Variants in ARIH1 observed in about 807,000 individuals in gnomAD.
ARIH1 encodes ariadne RBR E3 ubiquitin protein ligase 1, also known as E3 ubiquitin-protein ligase ARIH1.
A neutral mutation model predicts 85.0 loss-of-function variants in ARIH1; 8 were observed. That is an observed-to-expected ratio of 0.09 (90% CI 0.06 to 0.17). The LOEUF (loss-of-function observed/expected upper bound fraction) is 0.17. Ranked by LOEUF, ARIH1 falls within the 10% of genes least tolerant of loss-of-function variation. The pLI is 1.00. For synonymous variants in ARIH1, 238 were observed against 253.6 expected, an observed-to-expected ratio of 0.94 and a Z score of 0.59; for missense variants, 311 against 718.1, an observed-to-expected ratio of 0.43 and a Z score of 6.48.
intron 1 of ARIH1, 27 bp from the exon 2 acceptor site, chr15:72,518,040 A>G: frequency 6.4e-7 from 1 of 1,567,646 alleles, no homozygotes; most frequent in Non-Finnish European, 8.8e-7. Context: ...TTACCTTAAA[A>G]TGACTTTTTT....
Position 72,518,070 on chromosome 15 carries a change from C to G in ARIH1, c.379C>G (p.Pro127Ala). 6.2e-7 allele frequency: 1 copy of G among 1,608,478 alleles called. No individual in the cohort carries two copies. The highest frequency in any genetic ancestry group is 8.5e-7 in the Non-Finnish European group (1 of 1,176,042). ...TTTTTTTCCCCTCCTTCTTTAGAAT[C>G]CAGCAACTATCACAAGAATACTCCT... Reference protein sequence around the residue: ...IREVNEVIQNPATITRILLSH... With the variant: ...IREVNEVIQNAATITRILLSH... Residue 127 changes from proline (P) to alanine (A), a missense_variant, in exon 2 of 14, where the codon CCA becomes GCA. Around this residue, in one of 3 missense-constraint regions of ARIH1, gnomAD observed 104 missense variants for 221.4 expected, o/e 0.47. Transcript: ENST00000379887.
chr15:72,479,078 C>T (rs1039150092), intron 1 of ARIH1, among the ~76,000 whole-genome samples: 2 of 151,992 alleles, frequency 1.3e-5, no homozygotes, highest in African/African-American at 2.4e-5. Context: ...TGGCCTCAAG[C>T]GCTCCTTGAA....
At chr15:72,489,073 T>A (rs1294549748) in intron 1 of ARIH1, among the ~76,000 whole-genome samples, 1 of 151,694 alleles carries the variant, frequency 6.6e-6, no homozygotes, top group Non-Finnish European at 1.5e-5. Flanking sequence ...ACTTTTTCTC[T>A]ACAAAAAAAA....
chr15:72,554,449 G>C (rs2064166339), intron 3 of ARIH1, among the ~76,000 whole-genome samples: 2 of 152,106 alleles, frequency 1.3e-5, no homozygotes. Context: ...GCAGTGGCAT[G>C]ATGACAGCTC....
intron 1 of ARIH1, chr15:72,475,218 T>G (rs140631947): frequency 4.3e-6 from 5 of 1,174,770 alleles, no homozygotes; most frequent in Non-Finnish European, 5.5e-6. Context: ...GGAGGTGCGC[T>G]GGGGGCGGTG....
At chr15:72,531,255 T>TTTTATTTATTTA (rs369243037) in intron 2 of ARIH1, among the ~76,000 whole-genome samples, 4 of 151,714 alleles carry the variant, frequency 2.6e-5, no homozygotes, top group East Asian at 1.9e-4. Flanking sequence ...AAATCCACAT[T>TTTTATTTATTTA]TTTATTTATT....
Position 72,582,325 on chromosome 15 carries a change from C to T in ARIH1, c.1589+138C>T, listed in dbSNP as rs759990260. ...ATGTTTCTCACAGATTGCTTCTGTC[C>T]GTTGGGCACTAAATTGCAGGTAATA... On this transcript the variant is annotated intron_variant, in intron 13 of 13. Coordinates refer to ENST00000379887, the MANE Select transcript of ARIH1 (RefSeq NM_005744.5). This position sits in a 1 kb window ranked among gnomAD's most constrained non-coding sequence, Gnocchi z 4.6. 27 of 609,750 alleles carry T rather than the reference C, an allele frequency of 4.4e-5. No homozygotes were observed. Among genetic ancestry groups the T allele is most frequent in the Middle Eastern group, 8.3e-4 (2 of 2,424 alleles). 37.8% of individuals were successfully genotyped at this position (609,750 alleles called of 1,614,324 possible).
Position 72,517,614 on chromosome 15 carries a change from G to A in ARIH1, c.376-453G>A, listed in dbSNP as rs560950430. On this transcript the variant is annotated intron_variant, in intron 1 of 13. Transcript: ENST00000379887. ...TAATTTTTGTATTTTTATTAGGGAC[G>A]GGTTTTGCCTTGTTGCCCAGGCTGG... Among the ~76,000 whole-genome samples the A allele has an allele frequency of 1.1e-4, 16 of 151,970 alleles. No individual in the cohort carries two copies. In the South Asian group the frequency reaches 2.7e-3, roughly 26 times the overall value.
At chr15:72,528,801 G>C (rs2064041819) in intron 2 of ARIH1, among the ~76,000 whole-genome samples, 1 of 152,148 alleles carries the variant, frequency 6.6e-6, no homozygotes, top group African/African-American at 2.4e-5. Context: ...GCTGTGATCT[G>C]TGATCATGTC....
At chr15:72,512,253 G>A (rs144217053) in intron 1 of ARIH1, among the ~76,000 whole-genome samples, 1 of 151,982 alleles carries the variant, frequency 6.6e-6, no homozygotes, top group East Asian at 1.9e-4. Flanking sequence ...GAATTTTCCA[G>A]TGACACCATT....
intron 1 of ARIH1, among the ~76,000 whole-genome samples, chr15:72,477,996 G>A (rs1344004251): frequency 1.3e-5 from 2 of 152,082 alleles, no homozygotes; most frequent in African/African-American, 4.8e-5. Context: ...TTGTGTTACA[G>A]GGTTTCCCCA....
chr15:72,501,018 A>AC (rs1293560449), intron 1 of ARIH1, among the ~76,000 whole-genome samples: 3 of 152,204 alleles, frequency 2.0e-5, no homozygotes, highest in African/African-American at 7.2e-5. Context: ...CCAAATATAC[A>AC]CTATCAGCCT....
At chr15:72,569,335 G>GA (rs1231484510) in intron 9 of ARIH1, among the ~76,000 whole-genome samples, 1 of 151,940 alleles carries the variant, frequency 6.6e-6, no homozygotes, top group African/African-American at 2.4e-5. Flanking sequence ...TTTGGACTTG[G>GA]AAAAAAACAA....
rs2064364502 is a variant in ARIH1 at position 72,596,588 on chromosome 15, A to G, written c.*13296A>G. 1 of 152,150 alleles carries G rather than the reference A, an allele frequency of 6.6e-6. No homozygotes were observed. Among genetic ancestry groups the G allele is most frequent in the African/African-American group, 2.4e-5 (1 of 41,436 alleles). 9.4% of individuals were successfully genotyped at this position (152,150 alleles called of 1,614,324 possible). A position where few individuals can be genotyped will look rare whatever the true frequency, so the allele number is the denominator to read the frequency against. ...TGGAGATTCTAGTTACATGTATATT[A>G]GATGATTTGATATAAACCTACAGAT... On this transcript the variant is annotated 3_prime_UTR_variant, in exon 14 of 14. Transcript: ENST00000379887.
rs1168905042 is a variant in ARIH1, at chr15:72,567,141, C to T, written c.990C>T (p.Asp330=). Residue 330 remains aspartate (D), a synonymous_variant, in exon 9 of 14, where the codon GAC becomes GAT. Coordinates refer to ENST00000379887, the MANE Select transcript of ARIH1 (RefSeq NM_005744.5). ...LKKWIKKCDD[D]SETSNWIAAN... ...AATGGATTAAAAAGTGTGATGATGACAGTGAAACCTCCAATTGGATTGCAG... is the reference window on the plus strand; with the variant it reads ...AATGGATTAAAAAGTGTGATGATGATAGTGAAACCTCCAATTGGATTGCAG... 11 of 1,612,172 alleles carry T rather than the reference C, an allele frequency of 6.8e-6. No individual in the cohort carries two copies. Among genetic ancestry groups the T allele is most frequent in the South Asian group, 1.1e-5 (1 of 90,830 alleles).
rs2064344858 is a variant in ARIH1 at position 72,591,848 on chromosome 15, C to T, written c.*8556C>T. On this transcript the variant is annotated 3_prime_UTR_variant, in exon 14 of 14. Transcript: ENST00000379887. ...TTGTTAATAAATTCCTACCACATAC[C>T]CAGACTTGTGGTTTATTTCTATCTA... 2 of 152,078 alleles carry T rather than the reference C, an allele frequency of 1.3e-5. No homozygotes were observed. Among genetic ancestry groups the T allele is most frequent in the Admixed American group, 1.3e-4 (2 of 15,260 alleles). The allele number at this position is 152,078 out of a possible 1,614,324, so 9.4% of individuals were successfully genotyped here.
chr15:72,527,282 G>T (rs1468362393), intron 2 of ARIH1, among the ~76,000 whole-genome samples: 1 of 152,184 alleles, frequency 6.6e-6, no homozygotes, highest in African/African-American at 2.4e-5. Context: ...TTGGGCACAG[G>T]TATCACTGCT....
chr15:72,577,415 G>C (rs1474055017), intron 11 of ARIH1, among the ~76,000 whole-genome samples: 1 of 152,102 alleles, frequency 6.6e-6, no homozygotes, highest in Non-Finnish European at 1.5e-5. Context: ...GCTCACGCCT[G>C]TAATCTCAGC....
chr15:72,587,424 G>A lies in ARIH1; in HGVS notation c.*4132G>A, dbSNP rs1181063601. On this transcript the variant is annotated 3_prime_UTR_variant, in exon 14 of 14. Coordinates refer to ENST00000379887, the MANE Select transcript of ARIH1 (RefSeq NM_005744.5). The stretch of plus-strand genomic sequence containing the variant: ...ATTTGTTGCAGTTTGCAACACAGTA[G>A]TTGAGAATAAGTGGTTTAGTATGAT... 2.3e-5 allele frequency: 8 copies of A among 343,314 alleles called. No homozygotes were observed. Among genetic ancestry groups the A allele is most frequent in the African/African-American group, 1.8e-4 (8 of 45,710 alleles). The allele number at this position is 343,314 out of a possible 1,614,324, so 21.3% of individuals were successfully genotyped here. A position where few individuals can be genotyped will look rare whatever the true frequency, so the allele number is the denominator to read the frequency against.
Sources: gnomAD v4.1 joint callset for allele counts (sites outside exome capture counted in the v4.1 genomes callset) on GRCh38, gnomAD v4.1.1 for gene constraint, gnomAD v4.1.1 regional missense constraint, Gnocchi (gnomAD v3.1) non-coding constraint, MANE v1.5 for transcripts, NCBI Gene and HGNC (gene_info 2026-07-23, HGNC 2026-07-21) for gene names.